Variants in GNB4 observed in about 807,000 individuals in gnomAD.
The protein encoded by GNB4 is guanine nucleotide-binding protein subunit beta-4.
GNB4 carries 28 observed loss-of-function variants against 45.2 expected under a neutral mutation model. The observed-to-expected ratio is 0.62, with a 90% CI of 0.46 to 0.85. GNB4 has a LOEUF of 0.85. Among genes scored for constraint, GNB4 ranks in the 40% least tolerant of loss-of-function variants. GNB4 has a pLI of 0.00. For missense variants in GNB4, 321 were observed against 425.4 expected (o/e 0.75, Z 2.16); for synonymous variants, 132 against 143.7 (o/e 0.92, Z 0.58).
At chr3:179,451,800 C>G (rs975640368), upstream of GNB4, among the ~76,000 whole-genome samples, 2 of 152,210 alleles carry the variant, frequency 1.3e-5, no homozygotes, top group Non-Finnish European at 2.9e-5. Context: ...AGTTTCCTTT[C>G]CGGCGCTGAC....
the GNB4 span, among the ~76,000 whole-genome samples, chr3:179,494,194 A>T: frequency 1.6e-3 from 241 of 152,286 alleles, 2 homozygotes; most frequent in African/African-American, 5.3e-3. Flanking sequence ...CCTTGTGGCC[A>T]AGTGTAACAA....
chr3:179,513,189 A>ATTTTT, the GNB4 span, among the ~76,000 whole-genome samples: 171 of 123,256 alleles, frequency 1.4e-3, 4 homozygotes, highest in African/African-American at 2.2e-3. Flanking sequence ...ATGTGCAGCA[A>ATTTTT]TTTTTTTTTT....
intron 1 of GNB4, among the ~76,000 whole-genome samples, chr3:179,428,505 CCA>C (rs1263318484): frequency 6.6e-6 from 1 of 152,116 alleles, no homozygotes; most frequent in Non-Finnish European, 1.5e-5. Context: ...ATCCCTGGCC[CCA>C]CAGTCCTAGA....
intron 8 of GNB4, among the ~76,000 whole-genome samples, chr3:179,409,229 G>A (rs1015216570): frequency 8.6e-5 from 13 of 151,770 alleles, no homozygotes; most frequent in Admixed American, 8.5e-4. Context: ...CTAGAAAAAA[G>A]GCTGTGCACA....
chr3:179,471,186 A>C, the GNB4 span, among the ~76,000 whole-genome samples: 2 of 152,142 alleles, frequency 1.3e-5, no homozygotes, highest in Non-Finnish European at 2.9e-5. Flanking sequence ...CTCAAAAAAA[A>C]AAAAAAAAAA....
At chr3:179,454,737 T>C (rs147943071), upstream of GNB4, among the ~76,000 whole-genome samples, 933 of 152,336 alleles carry the variant, frequency 6.1e-3, 7 homozygotes, top group African/African-American at 0.021. Context: ...AGTACCGCCC[T>C]GTATGTGTTG....
At chr3:179,474,253 C>T in the GNB4 span, among the ~76,000 whole-genome samples, 9 of 151,806 alleles carry the variant, frequency 5.9e-5, no homozygotes, top group African/African-American at 2.2e-4. Flanking sequence ...TAGTTGGAGT[C>T]TTGCTCTGTC....
At chr3:179,401,347 G>GC (rs1196934973) in intron 9 of GNB4, 28 bp from the exon 10 acceptor site, 2 of 1,506,592 alleles carry the variant, frequency 1.3e-6, no homozygotes, top group Non-Finnish European at 1.8e-6. Flanking sequence ...TAAAAAATTG[G>GC]CAATTGTAGG....
At chr3:179,433,523 TA>T (rs1715365022) in intron 1 of GNB4, among the ~76,000 whole-genome samples, 1 of 151,830 alleles carries the variant, frequency 6.6e-6, no homozygotes, top group South Asian at 2.1e-4. Flanking sequence ...GGGGATCGCT[TA>T]AGCACAGGAA....
At chr3:179,422,544 C>T (rs1715022157) in intron 2 of GNB4, among the ~76,000 whole-genome samples, 2 of 151,562 alleles carry the variant, frequency 1.3e-5, no homozygotes, top group Non-Finnish European at 2.9e-5. Context: ...TCCATACTGT[C>T]CAGCACCACA....
At chr3:179,438,988 C>T (rs1056271452) in intron 1 of GNB4, among the ~76,000 whole-genome samples, 40 of 152,148 alleles carry the variant, frequency 2.6e-4, no homozygotes, top group African/African-American at 9.4e-4. Context: ...ACTAATTTAA[C>T]CAAACAGTTT....
the GNB4 span, among the ~76,000 whole-genome samples, chr3:179,475,260 T>A: frequency 1.1e-4 from 17 of 150,996 alleles, no homozygotes; most frequent in South Asian, 3.6e-3. Flanking sequence ...TGGGACTACA[T>A]GCACGTGCCA....
At chr3:179,461,882 C>A in the GNB4 span, among the ~76,000 whole-genome samples, 2 of 152,138 alleles carry the variant, frequency 1.3e-5, no homozygotes, top group Non-Finnish European at 2.9e-5. Flanking sequence ...TTCATGGCAC[C>A]AAATAGAGCT....
chr3:179,440,570 C>CT (rs1395724039), intron 1 of GNB4, among the ~76,000 whole-genome samples: 1 of 151,984 alleles, frequency 6.6e-6, no homozygotes, highest in Non-Finnish European at 1.5e-5. Flanking sequence ...ACAATGTCAT[C>CT]AGTCGATATA....
Position 179,428,467 on chromosome 3 carries a change from A to G in GNB4, c.-42-2225T>C, listed in dbSNP as rs189550438. On this transcript the variant is annotated intron_variant, in intron 1 of 9. Transcript: ENST00000232564. ...GCGGGCTCTTTAAAGCCGCAACCTTAGCTGCCCTTGCTGACCATTCCTGAG... is the reference window on the plus strand; with the variant it reads ...GCGGGCTCTTTAAAGCCGCAACCTTGGCTGCCCTTGCTGACCATTCCTGAG... Among the ~76,000 whole-genome samples, 11 of 152,304 alleles carry G rather than the reference A, an allele frequency of 7.2e-5. No individual in the cohort carries two copies. The East Asian group carries it at 2.1e-3, about 29-fold the overall frequency.
At chr3:179,452,869 T>G (rs4855076), upstream of GNB4, among the ~76,000 whole-genome samples, 13,934 of 152,234 alleles carry the variant, frequency 0.092, 849 homozygotes, top group Middle Eastern at 0.13. Context: ...CTATTTATGT[T>G]TTAATGATTA....
At chr3:179,464,079 C>T in the GNB4 span, among the ~76,000 whole-genome samples, 1 of 152,148 alleles carries the variant, frequency 6.6e-6, no homozygotes, top group South Asian at 2.1e-4. Flanking sequence ...ATATCAAATA[C>T]ATTGTATACC....
the GNB4 span, among the ~76,000 whole-genome samples, chr3:179,500,080 A>G: frequency 1.3e-5 from 2 of 152,132 alleles, no homozygotes; most frequent in Non-Finnish European, 2.9e-5. Context: ...GAAGCTCTTT[A>G]GTTTAATTAG....
chr3:179,456,594 T>A, the GNB4 span, among the ~76,000 whole-genome samples: 1 of 152,220 alleles, frequency 6.6e-6, no homozygotes, highest in Non-Finnish European at 1.5e-5. Context: ...TGACCTTTTT[T>A]TCTTTTAGTG....
Sources: allele counts gnomAD v4.1 joint callset (sites outside exome capture counted in the v4.1 genomes callset), GRCh38; gene constraint gnomAD v4.1.1; transcripts MANE v1.5; gene names NCBI Gene and HGNC (gene_info 2026-07-23, HGNC 2026-07-21).